ALOX15: variants seen among roughly 807,000 people sequenced by gnomAD.
The protein encoded by ALOX15 is polyunsaturated fatty acid lipoxygenase ALOX15.
In ALOX15, 68 loss-of-function variants were observed where a neutral mutation model predicts 71.7. That is an observed-to-expected ratio of 0.95 (90% CI 0.78 to 1.16). The LOEUF is 1.16. Among genes scored for constraint, ALOX15 ranks in the 50% most tolerant of loss-of-function variants. The pLI, the probability that ALOX15 is intolerant of heterozygous loss-of-function variation, is 0.00. For synonymous variants in ALOX15, 346 were observed against 333.3 expected, an observed-to-expected ratio of 1.04 and a Z score of -0.42; for missense variants, 798 against 818.8, an observed-to-expected ratio of 0.97 and a Z score of 0.31.
intron 2 of ALOX15, 35 bp from the exon 3 acceptor site, chr17:4,639,167 T>C (rs755089173): frequency 2.5e-6 from 4 of 1,611,922 alleles, no homozygotes; most frequent in East Asian, 4.5e-5. Context: ...CCAGTGACTT[T>C]TGGTGAGCGC....
intron 2 of ALOX15, 128 bp downstream of exon 2, chr17:4,639,302 G>A: frequency 7.2e-7 from 1 of 1,380,830 alleles, no homozygotes; most frequent in South Asian, 1.3e-5. Context: ...CCGCCCCTTC[G>A]ACACCCCCAA....
At position 4,633,000 on chromosome 17, in the gene ALOX15, A is replaced by G. The variant is rs1910966620; in HGVS notation, c.1419-18T>C. On this transcript the variant is annotated intron_variant, in intron 10 of 13. Coordinates refer to ENST00000293761, the MANE Select transcript of ALOX15 (RefSeq NM_001140.5). ...CCACATACCTACCAACCAACGGAGC[A>G]GGGCCAGGGAGCTGAAGCCAGCTCT... The G allele has an allele frequency of 6.2e-7, 1 of 1,614,020 alleles. No homozygotes were observed. The highest frequency in any genetic ancestry group is 1.3e-5 in the African/African-American group (1 of 74,912).
At chr17:4,639,653 C>T in intron 1 of ALOX15, 22 bp from the exon 2 acceptor site, 1 of 1,594,670 alleles carries the variant, frequency 6.3e-7, no homozygotes, top group Non-Finnish European at 8.5e-7. Context: ...AGAAGAGGCT[C>T]AGCCCCGGTG....
In ALOX15 at chr17:4,637,171, G is replaced by A. The variant is rs1911127174; in HGVS notation, c.895C>T (p.Pro299Ser). 2 of 1,613,876 alleles carry A rather than the reference G, an allele frequency of 1.2e-6. No homozygotes were observed. The highest frequency in any genetic ancestry group is 1.3e-5 in the African/African-American group (1 of 75,026). Residue 299 changes from proline (P) to serine (S), a missense_variant, in exon 7 of 14, where the codon CCT becomes TCT. By Grantham distance (74) the Pro-to-Ser change is moderately conservative (BLOSUM62 -1). Transcript: ENST00000293761. ...GGCTGCAATTTCAGCATGACTAGAGGGGCAGCCAGGTGCTGCTGGCTACAG... is the reference window on the plus strand; with the variant it reads ...GGCTGCAATTTCAGCATGACTAGAGAGGCAGCCAGGTGCTGCTGGCTACAG... ...ILCSQQHLAA[P>S]LVMLKLQPDG...
At chr17:4,641,402 G>A (rs1911323771) in intron 1 of ALOX15, 115 bp downstream of exon 1, 1 of 1,460,742 alleles carries the variant, frequency 6.8e-7, no homozygotes, top group Non-Finnish European at 9.1e-7. Flanking sequence ...CCCAATGCGC[G>A]GGCCCTTGGC....
chr17:4,635,692 C>G (rs1911071158), intron 8 of ALOX15, 67 bp downstream of exon 8: 1 of 1,515,666 alleles, frequency 6.6e-7, no homozygotes, highest in African/African-American at 1.4e-5. Context: ...GAGGGAGCCT[C>G]CAGAGGTCGG....
intron 7 of ALOX15, 145 bp from the exon 8 acceptor site, chr17:4,636,113 C>A: frequency 1.2e-6 from 1 of 850,034 alleles, no homozygotes; most frequent in Admixed American, 2.5e-5. Context: ...CTACGGCTCC[C>A]GTTTCCTCCC....
At chr17:4,633,908 T>A (rs1362108791) in intron 8 of ALOX15, among the ~76,000 whole-genome samples, 1 of 152,210 alleles carries the variant, frequency 6.6e-6, no homozygotes, top group African/African-American at 2.4e-5. Context: ...GAGGCCATAA[T>A]CCTAAGTGCA....
chr17:4,636,084 A>C, intron 7 of ALOX15, 116 bp from the exon 8 acceptor site: 1 of 1,129,254 alleles, frequency 8.9e-7, no homozygotes, highest in Non-Finnish European at 1.3e-6. Flanking sequence ...TGCTTTCCCC[A>C]TCTCACTCCT....
chr17:4,633,683 A>G (rs1050166399), intron 8 of ALOX15, among the ~76,000 whole-genome samples, 183 bp from the exon 9 acceptor site: 1 of 152,218 alleles, frequency 6.6e-6, no homozygotes, highest in Non-Finnish European at 1.5e-5. Flanking sequence ...ATTACTGGAT[A>G]TATACCTCCC....
chr17:4,639,795 A>G (rs1304094632), intron 1 of ALOX15, 164 bp from the exon 2 acceptor site: 2 of 656,016 alleles, frequency 3.0e-6, no homozygotes, highest in Non-Finnish European at 5.0e-6. Flanking sequence ...CGCGCCGAGC[A>G]GGTGGCCCCA....
At chr17:4,634,111 T>C (rs1222818330) in intron 8 of ALOX15, among the ~76,000 whole-genome samples, 1 of 152,154 alleles carries the variant, frequency 6.6e-6, no homozygotes, top group East Asian at 1.9e-4. Flanking sequence ...CAAAATAATC[T>C]GTACACCAAG....
At position 4,633,476 on chromosome 17, in the gene ALOX15, T is replaced by A. The variant is rs1181572893; in HGVS notation, c.1186A>T (p.Thr396Ser). 1 of 1,613,916 alleles carries A rather than the reference T, an allele frequency of 6.2e-7. No individual in the cohort carries two copies. The highest frequency in any genetic ancestry group is 1.3e-5 in the African/African-American group (1 of 74,844). The change falls in exon 9 of 14, where the codon ACC becomes TCC. Residue 396 changes from threonine to serine, a missense_variant. By Grantham distance (58) the Thr-to-Ser change is moderately conservative (BLOSUM62 1). Transcript: ENST00000293761. ...CTGGCCCGGACGTTAATTTCCAGGG[T>A]GTATCGCAGGTGGGGAATTATAAGC... ...FKLIIPHLRY[T>S]LEINVRARTG... is the part of the protein sequence containing the mutation.
intron 2 of ALOX15, 124 bp downstream of exon 2, chr17:4,639,306 C>A: frequency 7.2e-7 from 1 of 1,395,928 alleles, no homozygotes; most frequent in Non-Finnish European, 9.8e-7. Flanking sequence ...CCCTTCGACA[C>A]CCCCAAAGAC....
At position 4,638,645 on chromosome 17, in the gene ALOX15, C is replaced by T; in HGVS notation, c.582G>A (p.Leu194=). 6.2e-7 allele frequency: 1 copy of T among 1,614,210 alleles called. No individual in the cohort carries two copies. The highest frequency in any genetic ancestry group is 8.5e-7 in the Non-Finnish European group (1 of 1,180,046). ...DLAIKDSLNV[L]TCWKDLDDFN... ...AGTCATCTAGATCCTTCCAGCAAGT[C>T]AGAACATTTAGAGAGTCTTTGATAG... The change falls in exon 5 of 14, where the codon CTG becomes CTA. Residue 194 remains leucine, a synonymous_variant. Transcript: ENST00000293761.
At chr17:4,636,283 ACT>A (rs1373433162) in intron 7 of ALOX15, among the ~76,000 whole-genome samples, 2 of 152,004 alleles carry the variant, frequency 1.3e-5, no homozygotes, top group Non-Finnish European at 2.9e-5. Context: ...TCCATCCCAC[ACT>A]GTTTTTTGAA....
In ALOX15 at chr17:4,637,219, C is replaced by T. The variant is rs146511012; in HGVS notation, c.847G>A (p.Gly283Arg). The stretch of plus-strand genomic sequence containing the variant: ...CAGAGAATGACGTTGGCCTTGATCC[C>T]ATCCAGCAGGGAGAAGTCAGCTTCG... ...LFEADFSLLD[G>R]IKANVILCSQ... The change falls in exon 7 of 14, where the codon GGG becomes AGG. Residue 283 changes from glycine to arginine, a missense_variant. Coordinates refer to ENST00000293761, the MANE Select transcript of ALOX15 (RefSeq NM_001140.5). The T allele has an allele frequency of 2.4e-4, 384 of 1,613,758 alleles. No homozygotes were observed. Among genetic ancestry groups the T allele is most frequent in the Middle Eastern group, 2.1e-3 (13 of 6,062 alleles).
At chr17:4,640,627 G>A (rs1447038813) in intron 1 of ALOX15, among the ~76,000 whole-genome samples, 1 of 83,752 alleles carries the variant, frequency 1.2e-5, no homozygotes, top group Non-Finnish European at 2.6e-5. Context: ...TGCTCCGTGC[G>A]CATTTTCTCT....
At chr17:4,637,639 C>T (rs1270565061) in intron 6 of ALOX15, among the ~76,000 whole-genome samples, 1 of 152,136 alleles carries the variant, frequency 6.6e-6, no homozygotes, top group Non-Finnish European at 1.5e-5. Flanking sequence ...GTCTCCAACT[C>T]CTGGGCTCAG....
Sources: allele counts gnomAD v4.1 joint callset (sites outside exome capture counted in the v4.1 genomes callset), GRCh38; gene constraint gnomAD v4.1.1; transcripts MANE v1.5; gene names NCBI Gene and HGNC (gene_info 2026-07-23, HGNC 2026-07-21).